Variants in ABI1 observed in about 807,000 individuals in gnomAD.
ABI1 encodes the protein Abelson interactor 1.
A neutral mutation model predicts 54.6 loss-of-function variants in ABI1; 14 were observed. The observed-to-expected ratio is 0.26, with a 90% CI of 0.17 to 0.40. The LOEUF is 0.40. Ranked by LOEUF, ABI1 falls within the 10% of genes least tolerant of loss-of-function variation. The pLI, the probability that ABI1 is intolerant of heterozygous loss-of-function variation, is 1.00. For missense variants in ABI1, 443 were observed against 598.3 expected, an observed-to-expected ratio of 0.74 and a Z score of 2.71; for synonymous variants, 194 against 209.3, an observed-to-expected ratio of 0.93 and a Z score of 0.63.
At chr10:26,850,467 G>A (rs144512132) in intron 1 of ABI1, among the ~76,000 whole-genome samples, 2,346 of 151,998 alleles carry the variant, frequency 0.015, 52 homozygotes, top group African/African-American at 0.054. Flanking sequence ...AGACCAGCCT[G>A]GCCAACACGG....
chr10:26,769,232 C>T (rs1840354200), intron 5 of ABI1, among the ~76,000 whole-genome samples: 1 of 152,036 alleles, frequency 6.6e-6, no homozygotes, highest in South Asian at 2.1e-4. Flanking sequence ...ATTTAAAGTC[C>T]TAACCTTATT....
chr10:26,860,496 C>A lies in ABI1; in HGVS notation c.117+251G>T, dbSNP rs372248717. On this transcript the variant is annotated intron_variant, in intron 1 of 10. Transcript: ENST00000376140. This position sits in a 1 kb window ranked among gnomAD's most constrained non-coding sequence, Gnocchi z 4.1. Reference sequence around the variant, plus strand: ...GGCTGCGGCAGCGGCGGGCTCCCGGCTCCCTCGCCCATTTTCTCTCTCCCC... The same window carrying A: ...GGCTGCGGCAGCGGCGGGCTCCCGGATCCCTCGCCCATTTTCTCTCTCCCC... Among the ~76,000 whole-genome samples the A allele has an allele frequency of 6.6e-6, 1 of 152,220 alleles. No individual in the cohort carries two copies. Among genetic ancestry groups the A allele is most frequent in the African/African-American group, 2.4e-5 (1 of 41,450 alleles).
intron 7 of ABI1, among the ~76,000 whole-genome samples, chr10:26,763,114 G>A (rs1448158366): frequency 6.6e-6 from 1 of 151,838 alleles, no homozygotes; most frequent in African/African-American, 2.4e-5. Flanking sequence ...CTATTCTTAG[G>A]GTCTTCATTT....
intron 7 of ABI1, among the ~76,000 whole-genome samples, chr10:26,763,179 T>C (rs930932010): frequency 1.3e-5 from 2 of 152,192 alleles, no homozygotes; most frequent in African/African-American, 2.4e-5. Context: ...GAAAAGATGT[T>C]GTTAGACAGC....
At chr10:26,808,687 C>T (rs2047029206) in intron 2 of ABI1, among the ~76,000 whole-genome samples, 1 of 152,098 alleles carries the variant, frequency 6.6e-6, no homozygotes. Context: ...CATGCCACTG[C>T]ACTCCAGCCT....
intron 1 of ABI1, among the ~76,000 whole-genome samples, chr10:26,850,081 G>A (rs184424272): frequency 2.4e-4 from 37 of 152,302 alleles, no homozygotes; most frequent in African/African-American, 8.7e-4. Context: ...ACAACTGTGT[G>A]AGGACAGATT....
chr10:26,839,861 G>A (rs1030843154), intron 1 of ABI1: 5 of 681,580 alleles, frequency 7.3e-6, no homozygotes, highest in South Asian at 1.6e-5. Context: ...ATGGTAGCAC[G>A]TGCCTGTAGT....
intron 9 of ABI1, among the ~76,000 whole-genome samples, chr10:26,754,482 T>C (rs1457177622): frequency 6.6e-6 from 1 of 152,178 alleles, no homozygotes; most frequent in African/African-American, 2.4e-5. Flanking sequence ...AACAAGCCAA[T>C]TGGATCACAC....
intron 3 of ABI1, among the ~76,000 whole-genome samples, chr10:26,774,111 ATAAC>A (rs1316738257): frequency 1.3e-5 from 2 of 152,354 alleles, no homozygotes; most frequent in Non-Finnish European, 2.9e-5. Flanking sequence ...GTATACGCAT[ATAAC>A]TAACACTACC....
intron 2 of ABI1, among the ~76,000 whole-genome samples, chr10:26,812,297 T>C (rs745728516): frequency 3.3e-5 from 5 of 152,156 alleles, no homozygotes; most frequent in Non-Finnish European, 7.3e-5. Context: ...TTAGAAATAC[T>C]AGATGTGCAT....
chr10:26,833,520 A>G (rs769773828), intron 1 of ABI1, among the ~76,000 whole-genome samples: 10 of 151,940 alleles, frequency 6.6e-5, no homozygotes, highest in Non-Finnish European at 1.3e-4. Flanking sequence ...TCTAGAAAGA[A>G]CTACATTTCA....
intron 2 of ABI1, 90 bp from the exon 3 acceptor site, chr10:26,777,331 ACAGGGCTGTACAC>A (rs1841535284): frequency 1.1e-6 from 1 of 881,942 alleles, no homozygotes; most frequent in Admixed American, 3.0e-5. Context: ...AGGACAGACC[ACAGGGCTGTACAC>A]CATATGTCTA....
In ABI1 at chr10:26,748,634, C is replaced by T. The variant is rs1837206299; in HGVS notation, c.1382G>A (p.Cys461Tyr). 6.2e-7 allele frequency: 1 copy of T among 1,613,568 alleles called. No homozygotes were observed. Among genetic ancestry groups the T allele is most frequent in the East Asian group, 2.2e-5 (1 of 44,830 alleles). Reference protein sequence around the residue: ...KNDDGWYEGVCNRVTGLFPGN... With the variant: ...KNDDGWYEGVYNRVTGLFPGN... ...AGGGAACAGACCAGTCACTCGATTGCAGACTCCTTCATACCAGCCATCATC... is the reference window on the plus strand; with the variant it reads ...AGGGAACAGACCAGTCACTCGATTGTAGACTCCTTCATACCAGCCATCATC... The change falls in exon 11 of 11, where the codon TGC becomes TAC. Residue 461 changes from cysteine (C) to tyrosine (Y), a missense_variant. Transcript: ENST00000376140.
chr10:26,816,378 C>T (rs2047566481), intron 2 of ABI1, among the ~76,000 whole-genome samples: 1 of 151,934 alleles, frequency 6.6e-6, no homozygotes, highest in Non-Finnish European at 1.5e-5. Context: ...AATGTATTAA[C>T]ATAAATGAAC....
chr10:26,772,514 A>G (rs1177187112), intron 3 of ABI1, among the ~76,000 whole-genome samples: 1 of 152,172 alleles, frequency 6.6e-6, no homozygotes, highest in African/African-American at 2.4e-5. Flanking sequence ...GGAAAGAATA[A>G]AAGAAGAATT....
intron 3 of ABI1, among the ~76,000 whole-genome samples, chr10:26,775,330 T>A (rs1841252786): frequency 6.6e-6 from 1 of 152,158 alleles, no homozygotes; most frequent in African/African-American, 2.4e-5. Flanking sequence ...CTAAAATATA[T>A]TCTTCTCACA....
intron 7 of ABI1, among the ~76,000 whole-genome samples, chr10:26,763,685 T>C (rs1384892427): frequency 6.6e-6 from 1 of 152,232 alleles, no homozygotes; most frequent in Non-Finnish European, 1.5e-5. Flanking sequence ...ATAGAAAAAG[T>C]TGTTTTATAT....
chr10:26,819,277 T>C (rs1024740013), intron 2 of ABI1, among the ~76,000 whole-genome samples: 6 of 152,020 alleles, frequency 3.9e-5, no homozygotes, highest in South Asian at 2.1e-4. Flanking sequence ...AAAGGAAAGC[T>C]GGAATGGTTG....
At chr10:26,818,158 C>CAAAAAAAAAAAAAAAA (rs397696005) in intron 2 of ABI1, among the ~76,000 whole-genome samples, 1 of 45,426 alleles carries the variant, frequency 2.2e-5, no homozygotes. Context: ...GACTCCATCT[C>CAAAAAAAAAAAAAAAA]AAAAAAAAAA....
Sources: gnomAD v4.1 joint callset for allele counts (sites outside exome capture counted in the v4.1 genomes callset) on GRCh38, gnomAD v4.1.1 for gene constraint, Gnocchi (gnomAD v3.1) non-coding constraint, MANE v1.5 for transcripts, NCBI Gene and HGNC (gene_info 2026-07-23, HGNC 2026-07-21) for gene names.